Variants in CTCF observed in about 807,000 individuals in gnomAD.
CTCF encodes CCCTC-binding factor, also known as transcriptional repressor CTCF.
In CTCF, 7 loss-of-function variants were observed where a neutral mutation model predicts 72.3. The observed-to-expected ratio is 0.10, with a 90% confidence interval of 0.06 to 0.18. CTCF has a LOEUF of 0.18. CTCF is among the 10% of genes least tolerant of loss of function. The pLI is 1.00. For missense variants in CTCF, 516 were observed against 949.1 expected (o/e 0.54, Z 6.00); for synonymous variants, 374 against 315.8 (o/e 1.18, Z -1.95).
At chr16:67,579,873 A>G (rs1001725111) in intron 2 of CTCF, among the ~76,000 whole-genome samples, 1 of 152,304 alleles carries the variant, frequency 6.6e-6, no homozygotes. Context: ...TGTTCTGGCT[A>G]CTGAAAGAAG....
Position 67,638,960 on chromosome 16 carries a change from C to T in CTCF, c.*1088C>T, listed in dbSNP as rs972247455. 4.9e-6 allele frequency: 1 copy of T among 203,912 alleles called. No individual in the cohort carries two copies. The highest frequency in any genetic ancestry group is 2.3e-5 in the African/African-American group (1 of 43,626). 12.6% of individuals were successfully genotyped at this position (203,912 alleles called of 1,614,324 possible). A position where few individuals can be genotyped will look rare whatever the true frequency, so the allele number is the denominator to read the frequency against. On this transcript the variant is annotated 3_prime_UTR_variant, in exon 12 of 12. Coordinates refer to ENST00000264010, the MANE Select transcript of CTCF (RefSeq NM_006565.4). ...TAGAGAGCCTCAGTCTTACTGATTT[C>T]AAACACTTTTTTCTTCTGTGTATTG...
intron 2 of CTCF, among the ~76,000 whole-genome samples, chr16:67,604,135 AAAAAAAAAAAG>A (rs1001961408): frequency 1.8e-4 from 27 of 151,326 alleles, no homozygotes; most frequent in Non-Finnish European, 4.0e-4. Flanking sequence ...TCTCAAAAAA[AAAAAAAAAAAG>A]AAAAGAAAAG....
At chr16:67,576,550 GTTTTT>G (rs35771667) in intron 2 of CTCF, among the ~76,000 whole-genome samples, 1 of 108,254 alleles carries the variant, frequency 9.2e-6, no homozygotes, top group Non-Finnish European at 1.8e-5. Context: ...ATAATAGAAT[GTTTTT>G]TTTTTTTTTT....
Position 67,636,748 on chromosome 16 carries a change from T to A in CTCF, c.1896T>A (p.Ile632=), listed in dbSNP as rs777491239. 5.0e-6 allele frequency: 8 copies of A among 1,609,318 alleles called. No homozygotes were observed. The South Asian group carries it at 8.9e-5, about 18-fold the overall frequency. ...NEDEEEPAVE[I]EPEPEPQPVT... is the part of the protein sequence containing the mutation. ...ATGAGGAGGAGCCTGCCGTAGAAAT[T>A]GAACCTGAGCCAGAGCCTCAGCCTG... Residue 632 remains isoleucine (I), a synonymous_variant, in exon 11 of 12, where the codon ATT becomes ATA. Coordinates refer to ENST00000264010, the MANE Select transcript of CTCF (RefSeq NM_006565.4).
In CTCF at chr16:67,611,428, C is replaced by T. The variant is rs748358750; in HGVS notation, c.596C>T (p.Pro199Leu). Residue 199 changes from proline (P) to leucine (L), a missense_variant, in exon 3 of 12, where the codon CCA becomes CTA. Coordinates refer to ENST00000264010, the MANE Select transcript of CTCF (RefSeq NM_006565.4). ...TGGCAAAAAGACCCAGACTATCAGC[C>T]ACCAGCCAAAAAAACAAAGAAAACC... ...PSWQKDPDYQPPAKKTKKTKK... is the reference protein window; with the variant it reads ...PSWQKDPDYQLPAKKTKKTKK... The T allele has an allele frequency of 6.2e-7, 1 of 1,614,046 alleles. No individual in the cohort carries two copies. The highest frequency in any genetic ancestry group is 8.5e-7 in the Non-Finnish European group (1 of 1,180,006).
chr16:67,592,438 G>A (rs1415239734), intron 2 of CTCF, among the ~76,000 whole-genome samples: 3 of 151,756 alleles, frequency 2.0e-5, no homozygotes, highest in South Asian at 4.2e-4. Flanking sequence ...AGGCACAGTG[G>A]CTCATGCCTG....
intron 3 of CTCF, 52 bp from the exon 4 acceptor site, chr16:67,611,899 A>G: frequency 6.6e-7 from 1 of 1,504,986 alleles, no homozygotes; most frequent in Non-Finnish European, 9.2e-7. Context: ...ATTAGGATTA[A>G]TCTTAACACT....
chr16:67,593,469 C>T (rs902067927), intron 2 of CTCF, among the ~76,000 whole-genome samples: 3 of 152,144 alleles, frequency 2.0e-5, no homozygotes, highest in Admixed American at 1.3e-4. Flanking sequence ...TGCCTTAATT[C>T]GCTTAGGATA....
chr16:67,579,202 C>T (rs2051546369), intron 2 of CTCF, among the ~76,000 whole-genome samples: 1 of 151,072 alleles, frequency 6.6e-6, no homozygotes, highest in South Asian at 2.1e-4. Flanking sequence ...TTGCAGTGAG[C>T]CGAGATCGCC....
intron 2 of CTCF, among the ~76,000 whole-genome samples, chr16:67,585,354 CAT>C (rs1296094821): frequency 1.3e-5 from 2 of 152,154 alleles, no homozygotes; most frequent in Admixed American, 6.6e-5. Flanking sequence ...CCGTCTTACA[CAT>C]GTCTTCAGTG....
At chr16:67,607,029 T>C (rs1464250292) in intron 2 of CTCF, among the ~76,000 whole-genome samples, 1 of 152,144 alleles carries the variant, frequency 6.6e-6, no homozygotes, top group Non-Finnish European at 1.5e-5. Flanking sequence ...CAATCTCAGC[T>C]CACTGCAACC....
At chr16:67,630,291 G>C (rs573403495) in intron 10 of CTCF, among the ~76,000 whole-genome samples, 9 of 152,280 alleles carry the variant, frequency 5.9e-5, no homozygotes, top group Non-Finnish European at 1.0e-4. Flanking sequence ...GCCTGTGTCA[G>C]CCTAACCTTG....
At chr16:67,602,569 C>T (rs1266234144) in intron 2 of CTCF, among the ~76,000 whole-genome samples, 1 of 151,888 alleles carries the variant, frequency 6.6e-6, no homozygotes, top group African/African-American at 2.4e-5. Flanking sequence ...GGGCTGGGCA[C>T]GGTGGTTCAT....
intron 2 of CTCF, among the ~76,000 whole-genome samples, chr16:67,605,059 G>A (rs1292359624): frequency 5.3e-5 from 7 of 132,584 alleles, no homozygotes; most frequent in African/African-American, 2.1e-4. Flanking sequence ...GGCAAGCTTC[G>A]CCTTCCGGGT....
intron 2 of CTCF, among the ~76,000 whole-genome samples, chr16:67,592,360 G>A (rs1437276419): frequency 2.0e-5 from 3 of 151,908 alleles, no homozygotes; most frequent in African/African-American, 2.4e-5. Context: ...TGCAGTGGCC[G>A]GGATTGTGCC....
intron 10 of CTCF, among the ~76,000 whole-genome samples, chr16:67,630,877 C>T (rs577274572): frequency 6.6e-6 from 1 of 152,276 alleles, no homozygotes; most frequent in East Asian, 1.9e-4. Flanking sequence ...GTGTGGATAT[C>T]TAGGTTGCTG....
intron 6 of CTCF, 125 bp from the exon 7 acceptor site, chr16:67,621,316 GC>G: frequency 2.9e-6 from 2 of 682,272 alleles, no homozygotes; most frequent in South Asian, 2.0e-5. Flanking sequence ...CTGGGACTGA[GC>G]CTCAGCCTTC....
chr16:67,574,975 C>T (rs897979544), intron 2 of CTCF, among the ~76,000 whole-genome samples: 7 of 152,026 alleles, frequency 4.6e-5, no homozygotes, highest in Admixed American at 4.6e-4. Flanking sequence ...CTATTCTTAA[C>T]TGTGTGTTTT....
In CTCF at chr16:67,599,118, C is replaced by T. The variant is rs139229572; in HGVS notation, c.-9-11706C>T. On this transcript the variant is annotated intron_variant, in intron 2 of 11. Coordinates refer to ENST00000264010, the MANE Select transcript of CTCF (RefSeq NM_006565.4). ...GGCCGGGTGCGGTGGCTGAAGCGGCCGAATGTGGTGGCTCACGCCTGTAAT... is the reference window on the plus strand; with the variant it reads ...GGCCGGGTGCGGTGGCTGAAGCGGCTGAATGTGGTGGCTCACGCCTGTAAT... Among the ~76,000 whole-genome samples the T allele has an allele frequency of 3.0e-3, 451 of 152,210 alleles. 23 individuals are homozygous for T. The East Asian group carries it at 0.072, about 24-fold the overall frequency.
Sources: allele counts gnomAD v4.1 joint callset (sites outside exome capture counted in the v4.1 genomes callset), GRCh38; gene constraint gnomAD v4.1.1; transcripts MANE v1.5; gene names NCBI Gene and HGNC (gene_info 2026-07-23, HGNC 2026-07-21).